Variants in CRACDL observed in about 807,000 individuals in gnomAD.
CRACDL encodes the protein CRACD-like protein.
In CRACDL, 26 loss-of-function variants were observed where a neutral mutation model predicts 70.6. That is an observed-to-expected ratio of 0.37 (90% CI 0.27 to 0.51). CRACDL has a LOEUF of 0.51. CRACDL is among the 20% of genes least tolerant of loss of function. The pLI is 0.94. For synonymous variants in CRACDL, 618 were observed against 615.2 expected (o/e 1.00, Z -0.07); for missense variants, 1,283 against 1,376.9 (o/e 0.93, Z 1.08).
chr2:98,895,230 A>C (rs1295033284), intron 1 of CRACDL, among the ~76,000 whole-genome samples: 1 of 152,224 alleles, frequency 6.6e-6, no homozygotes, highest in Non-Finnish European at 1.5e-5. Flanking sequence ...CTAGGTGCCT[A>C]GGATACAACA....
At chr2:98,803,575 C>A (rs1704171146) in intron 7 of CRACDL, among the ~76,000 whole-genome samples, 1 of 152,152 alleles carries the variant, frequency 6.6e-6, no homozygotes, top group Non-Finnish European at 1.5e-5. Context: ...AATCAACAAC[C>A]CAAGGGAGCT....
intron 1 of CRACDL, among the ~76,000 whole-genome samples, chr2:98,888,126 A>T (rs570380423): frequency 4.6e-5 from 7 of 152,350 alleles, no homozygotes; most frequent in African/African-American, 1.4e-4. Flanking sequence ...ATAAACAAAA[A>T]CCATAGAGAA....
chr2:98,935,712 G>A (rs1282636014), intron 1 of CRACDL, among the ~76,000 whole-genome samples: 1 of 152,200 alleles, frequency 6.6e-6, no homozygotes, highest in African/African-American at 2.4e-5. Flanking sequence ...GGGAAACTTT[G>A]GGCACTTGCA....
chr2:98,853,007 G>A (rs113397271), intron 1 of CRACDL, among the ~76,000 whole-genome samples: 1 of 129,762 alleles, frequency 7.7e-6, no homozygotes, highest in East Asian at 2.6e-4. Context: ...AGAGGGGAGG[G>A]GAGGGGAGGG....
intron 1 of CRACDL, among the ~76,000 whole-genome samples, chr2:98,932,411 T>G (rs1248761761): frequency 6.6e-6 from 1 of 152,234 alleles, no homozygotes; most frequent in Non-Finnish European, 1.5e-5. Context: ...GGGCTCAGGC[T>G]TGCAGGTACA....
chr2:98,797,412 G>A lies in CRACDL; in HGVS notation c.2542C>T (p.Pro848Ser). 6.2e-7 allele frequency: 1 copy of A among 1,614,192 alleles called. No individual in the cohort carries two copies. Among genetic ancestry groups the A allele is most frequent in the Non-Finnish European group, 8.5e-7 (1 of 1,180,036 alleles). ...LDQPPNQEDKPGARTLKSEPG... is the reference protein window; with the variant it reads ...LDQPPNQEDKSGARTLKSEPG... ...TCAGACTTCAGGGTCCGTGCCCCAG[G>A]CTTGTCTTCCTGGTTGGGTGGCTGG... Residue 848 changes from proline to serine, a missense_variant, in exon 8 of 10, where the codon CCT (proline) becomes TCT (serine). Pro to Ser is a moderately conservative substitution (Grantham distance 74). This residue lies in a region of CRACDL where 921 missense variants were observed against 881.9 expected (regional missense o/e 1.04). Transcript: ENST00000397899.
chr2:98,813,394 T>C (rs1704652147), intron 7 of CRACDL, among the ~76,000 whole-genome samples: 1 of 152,152 alleles, frequency 6.6e-6, no homozygotes, highest in Non-Finnish European at 1.5e-5. Context: ...ATTGAGCCAT[T>C]GCACTCCAGC....
At chr2:98,803,145 A>G (rs991999916) in intron 7 of CRACDL, among the ~76,000 whole-genome samples, 4 of 151,982 alleles carry the variant, frequency 2.6e-5, no homozygotes, top group Non-Finnish European at 5.9e-5. Flanking sequence ...GACTACAGGC[A>G]TGCACCACCA....
At position 98,823,669 on chromosome 2, in the gene CRACDL, G is replaced by A; in HGVS notation, c.736-132C>T. The A allele has an allele frequency of 9.2e-7, 1 of 1,091,106 alleles. No homozygotes were observed. Among genetic ancestry groups the A allele is most frequent in the Non-Finnish European group, 1.3e-6 (1 of 753,286 alleles). The allele number at this position is 1,091,106 out of a possible 1,614,324, so 67.6% of individuals were successfully genotyped here. On this transcript the variant is annotated intron_variant, in intron 6 of 9. Coordinates refer to ENST00000397899, the MANE Select transcript of CRACDL (RefSeq NM_207362.3). The surrounding 1 kb of genome is among the most constrained non-coding windows in gnomAD (Gnocchi z 4.0). The stretch of plus-strand genomic sequence containing the variant: ...ATAAAGCTGGCACTTAAGTAGGCAT[G>A]TACCCACGGGTGTCTTTTCTCAGTC...
intron 1 of CRACDL, chr2:98,897,417 C>T: frequency 2.3e-6 from 3 of 1,303,490 alleles, no homozygotes; most frequent in Non-Finnish European, 3.0e-6. Context: ...ATCTCAGTCA[C>T]AGGTGTCCTT....
chr2:98,882,441 T>A (rs1707677401), intron 1 of CRACDL, among the ~76,000 whole-genome samples: 2 of 152,214 alleles, frequency 1.3e-5, no homozygotes, highest in Admixed American at 6.5e-5. Context: ...AGAGTGAAGC[T>A]CATGGATTTT....
intron 1 of CRACDL, among the ~76,000 whole-genome samples, chr2:98,853,773 C>T (rs1252072566): frequency 6.6e-6 from 1 of 152,142 alleles, no homozygotes; most frequent in Admixed American, 6.5e-5. Flanking sequence ...TCACAAGGTT[C>T]TGGCATTTTA....
chr2:98,910,797 G>A (rs567543273), intron 1 of CRACDL, among the ~76,000 whole-genome samples: 81 of 152,256 alleles, frequency 5.3e-4, no homozygotes, highest in African/African-American at 1.9e-3. Flanking sequence ...GCCCTGACAG[G>A]GCCCATTTCC....
At chr2:98,862,090 C>T (rs1437712939) in intron 1 of CRACDL, among the ~76,000 whole-genome samples, 3 of 152,178 alleles carry the variant, frequency 2.0e-5, no homozygotes, top group Non-Finnish European at 4.4e-5. Flanking sequence ...TCTTGTTTCT[C>T]ATTCTCGGAG....
At chr2:98,890,110 A>C (rs1212730708) in intron 1 of CRACDL, among the ~76,000 whole-genome samples, 1 of 152,206 alleles carries the variant, frequency 6.6e-6, no homozygotes, top group East Asian at 1.9e-4. Flanking sequence ...TCAGAAAAAG[A>C]GCAAGAGAAA....
At chr2:98,840,196 C>T (rs2104520593) in intron 2 of CRACDL, among the ~76,000 whole-genome samples, 1 of 152,144 alleles carries the variant, frequency 6.6e-6, no homozygotes, top group East Asian at 1.9e-4. Context: ...TTTTAAAATG[C>T]AGTATTTTCA....
chr2:98,798,770 C>T (rs1184028853), intron 7 of CRACDL, among the ~76,000 whole-genome samples: 5 of 151,932 alleles, frequency 3.3e-5, no homozygotes, highest in African/African-American at 1.2e-4. Context: ...AGGCTCACTG[C>T]ACCCTCCGCC....
intron 1 of CRACDL, among the ~76,000 whole-genome samples, chr2:98,852,636 A>G (rs1041404646): frequency 1.3e-5 from 2 of 152,168 alleles, no homozygotes; most frequent in African/African-American, 2.4e-5. Context: ...TACAATATAA[A>G]GAAGAAACAC....
intron 5 of CRACDL, among the ~76,000 whole-genome samples, chr2:98,830,851 G>A (rs563652274): frequency 6.6e-6 from 1 of 152,244 alleles, no homozygotes; most frequent in African/African-American, 2.4e-5. Flanking sequence ...CTTACTGCCC[G>A]TCCTGGCTAA....
Sources: allele counts gnomAD v4.1 joint callset (sites outside exome capture counted in the v4.1 genomes callset), GRCh38; gene constraint gnomAD v4.1.1; regional missense constraint gnomAD v4.1.1; non-coding constraint Gnocchi (gnomAD v3.1); transcripts MANE v1.5; gene names NCBI Gene and HGNC (gene_info 2026-07-23, HGNC 2026-07-21).